MID1: variants seen among roughly 807,000 people sequenced by gnomAD.
MID1 encodes E3 ubiquitin-protein ligase Midline-1.
Under a neutral mutation model 40.4 loss-of-function variants are expected in MID1, and 7 were observed. The ratio of observed to expected loss-of-function variants is 0.17; its 90% CI spans 0.10 to 0.33. The LOEUF (loss-of-function observed/expected upper bound fraction) is 0.33, where lower values mean the gene tolerates loss of function less well. Ranked by LOEUF, MID1 falls within the 10% of genes least tolerant of loss-of-function variation. MID1 has a pLI of 1.00. For synonymous variants in MID1, 229 were observed against 221.2 expected, an observed-to-expected ratio of 1.04 and a Z score of -0.31; for missense variants, 367 against 558.5, an observed-to-expected ratio of 0.66 and a Z score of 3.46.
At position 10,470,891 on chromosome X, in the gene MID1, T is replaced by C. The variant is rs774381301; in HGVS notation, c.1142-1051A>G. On this transcript the variant is annotated intron_variant, in intron 6 of 9. Transcript: ENST00000317552. Reference sequence around the variant, plus strand: ...GTAAATAATATTTTAGAGGGAGGGGTTGGCAAACTGTGACTGTGGGCCAAG... The same window carrying C: ...GTAAATAATATTTTAGAGGGAGGGGCTGGCAAACTGTGACTGTGGGCCAAG... Among the ~76,000 whole-genome samples the C allele has an allele frequency of 2.5e-4, 28 of 111,741 alleles. No individual in the cohort carries two copies. In the South Asian group the frequency reaches 5.3e-3, roughly 21 times the overall value.
At chrX:10,479,980 C>G (rs748162241) in intron 5 of MID1, among the ~76,000 whole-genome samples, 1 of 111,990 alleles carries the variant, frequency 8.9e-6, no homozygotes, top group East Asian at 2.8e-4. Context: ...TAAAAAGTGG[C>G]AGTGCTAGGA....
chrX:10,636,784 G>GTATATATATATATATATA lies in MID1; in HGVS notation c.-186-16366_-186-16365insTATATATATATATATATA, dbSNP rs1198448070. Among the ~76,000 whole-genome samples, 38 of 12,152 alleles carry GTATATATATATATATATA rather than the reference G, an allele frequency of 3.1e-3. 1 individual carries two copies. Among genetic ancestry groups the GTATATATATATATATATA allele is most frequent in the African/African-American group, 0.015 (36 of 2,344 alleles). The allele number at this position is 12,152 out of a possible 115,157, so 10.6% of individuals were successfully genotyped here. On this transcript the variant is annotated intron_variant, in intron 1 of 10. Transcript: ENST00000380785. ...ACAAACTGGGCCATTCCAACAATGG[G>GTATATATATATATATATA]GATATATATATATATATATATATAT...
chrX:10,503,770 C>T (rs1931677952), intron 3 of MID1, among the ~76,000 whole-genome samples: 1 of 111,854 alleles, frequency 8.9e-6, no homozygotes, highest in Non-Finnish European at 1.9e-5. Flanking sequence ...ATGATAAATC[C>T]TCTTTTCTTG....
At chrX:10,802,143 T>G (rs968616064) in intron 1 of MID1, among the ~76,000 whole-genome samples, 1 of 110,996 alleles carries the variant, frequency 9.0e-6, no homozygotes, top group Non-Finnish European at 1.9e-5. Flanking sequence ...GATCACGCCA[T>G]TGCACTCCAG....
intron 1 of MID1, among the ~76,000 whole-genome samples, chrX:10,811,323 T>C (rs1475151401): frequency 8.9e-6 from 1 of 112,438 alleles, no homozygotes; most frequent in Admixed American, 9.5e-5. Flanking sequence ...TCTGCTTTTT[T>C]AACCATCACT....
At chrX:10,746,899 C>A (rs1435926440) in intron 1 of MID1, among the ~76,000 whole-genome samples, 14 of 110,365 alleles carry the variant, frequency 1.3e-4, no homozygotes, top group Admixed American at 3.9e-4. Flanking sequence ...AAAAATACTT[C>A]TCTAATGAGA....
At chrX:10,688,648 T>A (rs754192866) in intron 1 of MID1, among the ~76,000 whole-genome samples, 118 of 111,764 alleles carry the variant, frequency 1.1e-3, no homozygotes, top group Middle Eastern at 4.6e-3. Context: ...GAGGTGAGAT[T>A]CAATTTTTTT....
At chrX:10,609,162 C>T (rs566415197) in intron 1 of MID1, among the ~76,000 whole-genome samples, 1 of 111,203 alleles carries the variant, frequency 9.0e-6, no homozygotes. Context: ...TGCATACACA[C>T]ACACACACAC....
At chrX:10,800,281 A>G (rs1468868243) in intron 1 of MID1, among the ~76,000 whole-genome samples, 1 of 112,022 alleles carries the variant, frequency 8.9e-6, no homozygotes, top group Non-Finnish European at 1.9e-5. Context: ...ACAGTCAGTG[A>G]GGAAATAGAG....
At chrX:10,567,792 C>T (rs1317573687) in intron 1 of MID1, among the ~76,000 whole-genome samples, 189 bp from the exon 2 acceptor site, 2 of 111,156 alleles carry the variant, frequency 1.8e-5, no homozygotes, top group Non-Finnish European at 3.8e-5. Context: ...CCATCATATA[C>T]CAGTTAACAT....
chrX:10,767,360 CA>C (rs1338740448), intron 1 of MID1, among the ~76,000 whole-genome samples: 1 of 110,134 alleles, frequency 9.1e-6, no homozygotes, highest in Non-Finnish European at 1.9e-5. Context: ...AGTCTTGCTC[CA>C]CCAGGCTGGA....
At chrX:10,802,846 T>C (rs2044018638) in intron 1 of MID1, among the ~76,000 whole-genome samples, 2 of 111,962 alleles carry the variant, frequency 1.8e-5, no homozygotes, top group South Asian at 7.4e-4. Context: ...TATGCAGCCA[T>C]AAAAAGAATG....
intron 1 of MID1, among the ~76,000 whole-genome samples, chrX:10,641,422 G>T (rs149873002): frequency 0.013 from 1,511 of 111,946 alleles, 25 homozygotes; most frequent in African/African-American, 0.043. Flanking sequence ...AAATCTAGAA[G>T]AAATGGACAA....
chrX:10,462,488 C>G (rs921352209), intron 7 of MID1, among the ~76,000 whole-genome samples: 1 of 111,633 alleles, frequency 9.0e-6, no homozygotes, highest in Non-Finnish European at 1.9e-5. Flanking sequence ...TATGAAACAC[C>G]CACACAACCA....
intron 2 of MID1, chrX:10,565,051 G>C: frequency 4.4e-6 from 1 of 226,502 alleles, no homozygotes; most frequent in Non-Finnish European, 8.5e-6. Context: ...AAAATTAATA[G>C]CCTTCGCAAT....
At position 10,455,013 on chromosome X, in the gene MID1, C is replaced by G. The variant is rs370948485; in HGVS notation, c.1512G>C (p.Leu504Phe). The change falls in exon 9 of 10, where the codon TTG (leucine) becomes TTC (phenylalanine). Residue 504 changes from leucine to phenylalanine, a missense_variant. Around this residue, in one of 3 missense-constraint regions of MID1, gnomAD observed 275 missense variants for 383.1 expected, o/e 0.72. Coordinates refer to ENST00000317552, the MANE Select transcript of MID1 (RefSeq NM_000381.4). ...HRKLKVSHDN[L>F]TVERDESSSK... ...ATGATGACTCATCACGTTCTACTGTCAAGTTATCATGGGACACCTTCAGTT... is the reference window on the plus strand; with the variant it reads ...ATGATGACTCATCACGTTCTACTGTGAAGTTATCATGGGACACCTTCAGTT... 10 of 1,211,076 alleles carry G rather than the reference C, an allele frequency of 8.3e-6. No homozygotes were observed. Among genetic ancestry groups the G allele is most frequent in the Non-Finnish European group, 1.1e-5 (10 of 894,943 alleles).
chrX:10,586,663 T>C (rs2428604), intron 1 of MID1, among the ~76,000 whole-genome samples: 38,501 of 111,028 alleles, frequency 0.35, 6,053 homozygotes, highest in Non-Finnish European at 0.49. Context: ...CACCACAGCA[T>C]GGGGGGACTT....
intron 9 of MID1, among the ~76,000 whole-genome samples, chrX:10,449,977 G>A (rs2147253148): frequency 9.0e-6 from 1 of 111,510 alleles, no homozygotes; most frequent in African/African-American, 3.3e-5. Flanking sequence ...CAAACACTAC[G>A]GAGAATTTGA....
At chrX:10,644,968 A>G (rs1328815442) in intron 1 of MID1, among the ~76,000 whole-genome samples, 1 of 112,058 alleles carries the variant, frequency 8.9e-6, no homozygotes, top group Non-Finnish European at 1.9e-5. Context: ...GAAGTCAGAC[A>G]TCTTTTGAAC....
Sources: gnomAD v4.1 joint callset for allele counts (sites outside exome capture counted in the v4.1 genomes callset) on GRCh38, gnomAD v4.1.1 for gene constraint, gnomAD v4.1.1 regional missense constraint, MANE v1.5 for transcripts, NCBI Gene and HGNC (gene_info 2026-07-23, HGNC 2026-07-21) for gene names.